The following ISY1 variants were observed in gnomAD, a reference collection of about 807,000 sequenced individuals.
ISY1 encodes the protein ISY1 spliceosome associated protein.
A neutral mutation model predicts 54.4 loss-of-function variants in ISY1; 12 were observed. The observed-to-expected ratio is 0.22, with a 90% CI of 0.14 to 0.36. The LOEUF is 0.36. ISY1 is among the 10% of genes least tolerant of loss of function. ISY1 has a pLI of 1.00. For missense variants in ISY1, 282 were observed against 342.2 expected (o/e 0.82, Z 1.39); for synonymous variants, 96 against 117.9 (o/e 0.81, Z 1.20).
intron 3 of ISY1, among the ~76,000 whole-genome samples, chr3:129,157,868 A>G (rs1004186662): frequency 6.6e-6 from 1 of 152,056 alleles, no homozygotes; most frequent in Admixed American, 6.6e-5. Context: ...GCAGGTACAG[A>G]TAAGAAATAG....
intron 7 of ISY1, chr3:129,137,321 G>T: frequency 1.9e-6 from 1 of 526,230 alleles, no homozygotes; most frequent in Non-Finnish European, 2.4e-6. Flanking sequence ...AACTCTATCT[G>T]TGCTATTTGA....
rs1005394146 is a variant in ISY1 at position 129,153,710 on chromosome 3, C to T, written c.187+2923G>A. Among the ~76,000 whole-genome samples, 4 of 151,994 alleles carry T rather than the reference C, an allele frequency of 2.6e-5. No individual in the cohort carries two copies. The South Asian group carries it at 6.2e-4, about 24-fold the overall frequency. On this transcript the variant is annotated intron_variant, in intron 5 of 10. Coordinates refer to ENST00000393295, the MANE Select transcript of ISY1 (RefSeq NM_020701.4). ...CTGAGGCAGGAGATTCGCTTGAACC[C>T]GGGAGGCAGAGGCTGCGGTGAGCCA...
At chr3:129,138,791 C>A (rs566839117) in intron 7 of ISY1, among the ~76,000 whole-genome samples, 3 of 143,108 alleles carry the variant, frequency 2.1e-5, no homozygotes, top group African/African-American at 7.8e-5. Flanking sequence ...CTCCAGCCTG[C>A]GCAACAGAGC....
intron 9 of ISY1, among the ~76,000 whole-genome samples, chr3:129,131,683 C>A (rs1936241460): frequency 6.6e-6 from 1 of 152,194 alleles, no homozygotes; most frequent in Non-Finnish European, 1.5e-5. Context: ...GCAAGGGCAT[C>A]ATGTTAAGTG....
chr3:129,155,221 G>A (rs1203384568), intron 5 of ISY1, among the ~76,000 whole-genome samples: 1 of 151,660 alleles, frequency 6.6e-6, no homozygotes. Flanking sequence ...TTGTTTGTTT[G>A]TTTGTTTTGA....
At chr3:129,130,776 C>T in intron 9 of ISY1, 140 bp from the exon 10 acceptor site, 2 of 863,310 alleles carry the variant, frequency 2.3e-6, no homozygotes, top group Non-Finnish European at 3.4e-6. Context: ...AGACACTTGA[C>T]CCACAAGATT....
At position 129,128,506 on chromosome 3, in the gene ISY1, G is replaced by A. The variant is rs1936150827; in HGVS notation, c.*1575C>T. 1 of 152,714 alleles carries A rather than the reference G, an allele frequency of 6.5e-6. No homozygotes were observed. The allele number at this position is 152,714 out of a possible 1,614,324, so 9.5% of individuals were successfully genotyped here. ...GGCCGCACGGAGCGTCCTCAAGCAA[G>A]TCCCTTAGCCACTAGCTCCCGACTC... On this transcript the variant is annotated 3_prime_UTR_variant, in exon 11 of 11. Transcript: ENST00000393295.
chr3:129,138,824 A>G (rs570882744), intron 7 of ISY1, among the ~76,000 whole-genome samples: 24 of 151,110 alleles, frequency 1.6e-4, no homozygotes, highest in Admixed American at 4.6e-4. Flanking sequence ...CAAAAAAAAA[A>G]AAAGAAAGAA....
At chr3:129,154,286 G>A (rs1250398744) in intron 5 of ISY1, among the ~76,000 whole-genome samples, 1 of 148,792 alleles carries the variant, frequency 6.7e-6, no homozygotes, top group Non-Finnish European at 1.5e-5. Flanking sequence ...ATGATGGAGG[G>A]TGCCTGTAAT....
Position 129,160,918 on chromosome 3 carries a change from G to GGCCCCGGGGGGGGGGGGCCCCC in ISY1, c.3+54_3+55insGGGGGCCCCCCCCCCCCGGGGC. On this transcript the variant is annotated intron_variant, in intron 1 of 10. Coordinates refer to ENST00000393295, the MANE Select transcript of ISY1 (RefSeq NM_020701.4). ...AATGAGCGCCCCAGGTGGACTGGGC[G>GGCCCCGGGGGGGGGGGGCCCCC]CCCCCCCGCCCGCCCGCCCATCCAC... 2 of 666,128 alleles carry GGCCCCGGGGGGGGGGGGCCCCC rather than the reference G, an allele frequency of 3.0e-6. 1 individual carries two copies. The highest frequency in any genetic ancestry group is 5.5e-6 in the Non-Finnish European group (2 of 364,544). The allele number at this position is 666,128 out of a possible 1,614,324, so 41.3% of individuals were successfully genotyped here. A position where few individuals can be genotyped will look rare whatever the true frequency, so the allele number is the denominator to read the frequency against.
chr3:129,155,196 G>C (rs1274305741), intron 5 of ISY1, among the ~76,000 whole-genome samples: 1 of 150,616 alleles, frequency 6.6e-6, no homozygotes, highest in Non-Finnish European at 1.5e-5. Flanking sequence ...TGCTATATAT[G>C]TATTTTTTGT....
intron 1 of ISY1, 143 bp downstream of exon 1, chr3:129,160,830 A>T: frequency 9.4e-7 from 1 of 1,059,954 alleles, no homozygotes; most frequent in Non-Finnish European, 1.4e-6. Flanking sequence ...AGGCAGGAAG[A>T]GAATCCCCTC....
Position 129,160,995 on chromosome 3 carries a change from T to C in ISY1, c.-20A>G. 7.1e-7 allele frequency: 1 copy of C among 1,406,544 alleles called. No homozygotes were observed. Among genetic ancestry groups the C allele is most frequent in the East Asian group, 3.6e-5 (1 of 27,662 alleles). The allele number at this position is 1,406,544 out of a possible 1,614,324, so 87.1% of individuals were successfully genotyped here. ...CACCATGGTGTCGCTAAGGGCGCCG[T>C]CCTGGAGCCCCGCGGCCCCTGTCCA... On this transcript the variant is annotated 5_prime_UTR_variant, in exon 1 of 11. Transcript: ENST00000393295.
Position 129,156,652 on chromosome 3 carries a change from T to G in ISY1, c.168A>C (p.Lys56Asn). The stretch of plus-strand genomic sequence containing the variant: ...GCTTACCATTCTGAATCTGAGCCAC[T>G]TTTTTAGAGATCTCTCCAATGATCT... ...RRQIIGEISK[K>N]VAQIQNAGLG... is the part of the protein sequence containing the mutation. The change falls in exon 5 of 11, where the codon AAA becomes AAC. Residue 56 changes from lysine to asparagine, a missense_variant. Transcript: ENST00000393295. The G allele has an allele frequency of 6.2e-7, 1 of 1,611,764 alleles. No homozygotes were observed. Among genetic ancestry groups the G allele is most frequent in the Non-Finnish European group, 8.5e-7 (1 of 1,179,094 alleles).
intron 5 of ISY1, among the ~76,000 whole-genome samples, chr3:129,151,983 AC>A (rs1418931996): frequency 1.3e-5 from 2 of 151,954 alleles, no homozygotes; most frequent in African/African-American, 4.8e-5. Context: ...ACATGGTAAA[AC>A]CCTGTCTCTA....
rs773604663 is a variant in ISY1 at position 129,147,971 on chromosome 3, GTTTTAA to G, written c.188-2104_188-2099del. Among the ~76,000 whole-genome samples, 152 of 151,930 alleles carry G rather than the reference GTTTTAA, an allele frequency of 1.0e-3. 1 individual carries two copies. Among genetic ancestry groups the G allele is most frequent in the Middle Eastern group, 3.4e-3 (1 of 294 alleles). ...TTTATTTTTATTTATTCATCGATAT[GTTTTAA>G]TTTTATTTACTTTAATTATTATTAT... On this transcript the variant is annotated intron_variant, in intron 5 of 10. Transcript: ENST00000393295.
At chr3:129,160,918 G>GCTCC in intron 1 of ISY1, 55 bp downstream of exon 1, 1 of 666,128 alleles carries the variant, frequency 1.5e-6, no homozygotes, top group Non-Finnish European at 2.7e-6. Flanking sequence ...TGGACTGGGC[G>GCTCC]CCCCCCCGCC....
chr3:129,155,933 C>G (rs1406032014), intron 5 of ISY1, among the ~76,000 whole-genome samples: 2 of 151,880 alleles, frequency 1.3e-5, no homozygotes, highest in Admixed American at 6.6e-5. Flanking sequence ...GTTGGTCAGG[C>G]TGGTCTCAAA....
At chr3:129,154,290 C>T (rs1937066735) in intron 5 of ISY1, among the ~76,000 whole-genome samples, 2 of 147,744 alleles carry the variant, frequency 1.4e-5, no homozygotes, top group Admixed American at 1.4e-4. Flanking sequence ...TGGAGGGTGC[C>T]TGTAATCCCA....
Sources: allele counts gnomAD v4.1 joint callset (sites outside exome capture counted in the v4.1 genomes callset), GRCh38; gene constraint gnomAD v4.1.1; transcripts MANE v1.5; gene names NCBI Gene and HGNC (gene_info 2026-07-23, HGNC 2026-07-21).